PTPRD: variants seen among roughly 807,000 people sequenced by gnomAD.
PTPRD encodes the protein receptor-type tyrosine-protein phosphatase delta.
A neutral mutation model predicts 214.5 loss-of-function variants in PTPRD; 34 were observed. The ratio of observed to expected loss-of-function variants is 0.16; its 90% confidence interval spans 0.12 to 0.21. The LOEUF (loss-of-function observed/expected upper bound fraction) is 0.21. PTPRD is among the 10% of genes least tolerant of loss of function. The pLI is 1.00. For missense variants in PTPRD, 2,545 were observed against 2,398.7 expected (o/e 1.06, Z -1.27); for synonymous variants, 1,128 against 845.7 (o/e 1.33, Z -5.79).
intron 11 of PTPRD, among the ~76,000 whole-genome samples, chr9:8,879,685 C>G (rs182045790): frequency 1.3e-5 from 2 of 152,128 alleles, no homozygotes; most frequent in Non-Finnish European, 2.9e-5. Context: ...AAACAGAATC[C>G]TGGATCTTAG....
chr9:8,760,145 G>A (rs151049639), intron 11 of PTPRD, among the ~76,000 whole-genome samples: 470 of 152,250 alleles, frequency 3.1e-3, no homozygotes, highest in African/African-American at 0.011. Context: ...TGGCCAGGCT[G>A]TTCTCAAACT....
intron 2 of PTPRD, among the ~76,000 whole-genome samples, chr9:10,423,805 C>T (rs1285633840): frequency 6.6e-6 from 1 of 151,954 alleles, no homozygotes; most frequent in African/African-American, 2.4e-5. Context: ...GACGTGTATA[C>T]AGACATGGTG....
intron 10 of PTPRD, among the ~76,000 whole-genome samples, chr9:9,028,348 C>A (rs1157055881): frequency 6.6e-6 from 1 of 151,902 alleles, no homozygotes. Flanking sequence ...ATATAAATTG[C>A]AGAACTAAAA....
chr9:10,269,845 CA>C (rs1188808682), intron 3 of PTPRD, among the ~76,000 whole-genome samples: 2 of 151,888 alleles, frequency 1.3e-5, no homozygotes, highest in East Asian at 1.9e-4. Flanking sequence ...AAGTAAACTT[CA>C]AAAAAATTAA....
chr9:8,516,449 A>G (rs896346401), intron 21 of PTPRD, among the ~76,000 whole-genome samples: 4 of 152,212 alleles, frequency 2.6e-5, no homozygotes, highest in African/African-American at 9.7e-5. Context: ...AGGCAGGCGA[A>G]CTATTAATAT....
chr9:9,495,210 A>T (rs1436788559), intron 8 of PTPRD, among the ~76,000 whole-genome samples: 1 of 151,936 alleles, frequency 6.6e-6, no homozygotes, highest in Non-Finnish European at 1.5e-5. Context: ...CAACTCAGAG[A>T]AGAAAACTGA....
intron 2 of PTPRD, among the ~76,000 whole-genome samples, chr9:10,471,188 C>T (rs2099028832): frequency 6.6e-6 from 1 of 151,822 alleles, no homozygotes; most frequent in Non-Finnish European, 1.5e-5. Context: ...GGAGAAACAC[C>T]TAATATAGAT....
chr9:10,090,612 G>C (rs973176869), intron 3 of PTPRD, among the ~76,000 whole-genome samples: 2 of 122,048 alleles, frequency 1.6e-5, no homozygotes, highest in Admixed American at 9.4e-5. Context: ...CAGCCCAAAA[G>C]ATTAAAGTAT....
chr9:9,512,193 G>T (rs1019743259), intron 8 of PTPRD, among the ~76,000 whole-genome samples: 1 of 151,762 alleles, frequency 6.6e-6, no homozygotes, highest in Admixed American at 6.6e-5. Flanking sequence ...TAGCAAAGAC[G>T]TAATTACATG....
At chr9:10,204,436 A>G (rs2099455661) in intron 3 of PTPRD, among the ~76,000 whole-genome samples, 1 of 152,116 alleles carries the variant, frequency 6.6e-6, no homozygotes, top group South Asian at 2.1e-4. Context: ...CTCCCATCTG[A>G]TGGGGAAGGA....
At chr9:10,263,575 G>C (rs1387160700) in intron 3 of PTPRD, among the ~76,000 whole-genome samples, 1 of 152,146 alleles carries the variant, frequency 6.6e-6, no homozygotes, top group Non-Finnish European at 1.5e-5. Flanking sequence ...GAACTTGAGA[G>C]AGATGATTTA....
intron 2 of PTPRD, among the ~76,000 whole-genome samples, chr9:10,563,818 T>C (rs867817513): frequency 6.6e-6 from 1 of 152,016 alleles, no homozygotes; most frequent in African/African-American, 2.4e-5. Flanking sequence ...ATATCATATA[T>C]AGAGTGACAT....
intron 3 of PTPRD, among the ~76,000 whole-genome samples, chr9:10,180,962 A>C (rs1247046546): frequency 2.0e-5 from 3 of 152,094 alleles, no homozygotes; most frequent in Non-Finnish European, 4.4e-5. Flanking sequence ...TATCATATTC[A>C]ATGAATAAAC....
chr9:8,844,033 G>A (rs2097632208), intron 11 of PTPRD, among the ~76,000 whole-genome samples: 1 of 152,102 alleles, frequency 6.6e-6, no homozygotes, highest in South Asian at 2.1e-4. Context: ...CATTTTACAA[G>A]CAGAAATGTG....
chr9:9,219,305 G>A (rs902580681), intron 9 of PTPRD, among the ~76,000 whole-genome samples: 1 of 151,938 alleles, frequency 6.6e-6, no homozygotes, highest in African/African-American at 2.4e-5. Context: ...TGTTTTCAGA[G>A]ACTACTCTGG....
chr9:9,125,738 C>T (rs750464865), intron 10 of PTPRD, among the ~76,000 whole-genome samples: 9 of 152,084 alleles, frequency 5.9e-5, no homozygotes, highest in Non-Finnish European at 1.5e-5. Flanking sequence ...TTATGTGTGG[C>T]AGAAATAAAA....
At chr9:10,264,001 G>A (rs1156367469) in intron 3 of PTPRD, among the ~76,000 whole-genome samples, 1 of 152,198 alleles carries the variant, frequency 6.6e-6, no homozygotes, top group Non-Finnish European at 1.5e-5. Context: ...CAAGCCCCAA[G>A]GCTTGGCAGC....
intron 11 of PTPRD, among the ~76,000 whole-genome samples, chr9:8,744,193 G>A (rs2092494299): frequency 6.6e-6 from 1 of 152,098 alleles, no homozygotes; most frequent in Non-Finnish European, 1.5e-5. Flanking sequence ...CTTCTACACT[G>A]TTGACAAGAA....
At position 9,724,796 on chromosome 9, in the gene PTPRD, C is replaced by T. The variant is rs149760652; in HGVS notation, c.-287+9737G>A. Among the ~76,000 whole-genome samples the T allele has an allele frequency of 1.7e-3, 254 of 152,218 alleles. 1 individual carries two copies. The highest frequency in any genetic ancestry group is 5.7e-3 in the African/African-American group (237 of 41,542). ...TTACAGTGGAGGAAATGGAGGTACA[C>T]AGACATTAAATAACTCACCCAAGTT... is the stretch of plus-strand genomic sequence containing the variant. On this transcript the variant is annotated intron_variant, in intron 7 of 45. Transcript: ENST00000381196.
Sources: gnomAD v4.1 joint callset for allele counts (sites outside exome capture counted in the v4.1 genomes callset) on GRCh38, gnomAD v4.1.1 for gene constraint, MANE v1.5 for transcripts, NCBI Gene and HGNC (gene_info 2026-07-23, HGNC 2026-07-21) for gene names.